Variants in LARP4B observed in about 807,000 individuals in gnomAD.
LARP4B encodes la-related protein 4B.
LARP4B carries 12 observed loss-of-function variants against 89.8 expected under a neutral mutation model. That is an observed-to-expected ratio of 0.13 (90% CI 0.09 to 0.22). LARP4B has a LOEUF of 0.22. Ranked by LOEUF, LARP4B falls within the 10% of genes least tolerant of loss-of-function variation. The pLI, the probability that LARP4B is intolerant of heterozygous loss-of-function variation, is 1.00. For missense variants in LARP4B, 757 were observed against 947.7 expected, an observed-to-expected ratio of 0.80 and a Z score of 2.64; for synonymous variants, 367 against 363.3, an observed-to-expected ratio of 1.01 and a Z score of -0.12.
chr10:892,931 TAC>T (rs1836078073), intron 1 of LARP4B, among the ~76,000 whole-genome samples: 2 of 116,206 alleles, frequency 1.7e-5, no homozygotes, highest in African/African-American at 3.3e-5. Flanking sequence ...TTTTTTTAAA[TAC>T]AGAGTCTTGC....
At chr10:854,144 G>A (rs1834186481) in intron 5 of LARP4B, among the ~76,000 whole-genome samples, 1 of 152,206 alleles carries the variant, frequency 6.6e-6, no homozygotes, top group East Asian at 1.9e-4. Context: ...TGAGATTGCA[G>A]CAATTCAGTC....
rs56788542 is a variant in LARP4B at position 833,249 on chromosome 10, TAAAA to T, written c.751-2276_751-2273del. ...AACACTAACGATAGCTGATGAGCTT[TAAAA>T]AAAAAAAAAAAAAAAAAAAAAAAAA... On this transcript the variant is annotated intron_variant, in intron 8 of 17. Coordinates refer to ENST00000316157, the MANE Select transcript of LARP4B (RefSeq NM_015155.3). 9.2e-3 allele frequency among the ~76,000 whole-genome samples: 477 copies of T among 52,020 alleles called. 2 individuals are homozygous for T. Among genetic ancestry groups the T allele is most frequent in the African/African-American group, 0.024 (330 of 13,940 alleles). 34.1% of individuals were successfully genotyped at this position (52,020 alleles called of 152,430 possible). A position where few individuals can be genotyped will look rare whatever the true frequency, so the allele number is the denominator to read the frequency against.
At chr10:926,118 T>C (rs1837127057) in intron 1 of LARP4B, among the ~76,000 whole-genome samples, 8 of 152,212 alleles carry the variant, frequency 5.3e-5, no homozygotes, top group Admixed American at 5.2e-4. Flanking sequence ...TTTACTTGAA[T>C]TACTTTCACT....
chr10:897,664 TATA>T (rs1588972599), intron 1 of LARP4B, among the ~76,000 whole-genome samples: 2 of 152,060 alleles, frequency 1.3e-5, no homozygotes, highest in East Asian at 1.9e-4. Context: ...TCCTAAAACT[TATA>T]ATGAGACAAA....
intron 1 of LARP4B, among the ~76,000 whole-genome samples, chr10:891,495 T>C (rs1836017870): frequency 6.6e-6 from 1 of 152,244 alleles, no homozygotes; most frequent in South Asian, 2.1e-4. Context: ...GAGATGTATA[T>C]TGAAATATTT....
chr10:949,285 C>G, the LARP4B span, among the ~76,000 whole-genome samples: 2 of 148,122 alleles, frequency 1.4e-5, no homozygotes, highest in Non-Finnish European at 3.0e-5. Context: ...GTTTTCCAGG[C>G]AGCTGTACCA....
chr10:983,645 T>C, the LARP4B span, among the ~76,000 whole-genome samples: 2 of 152,090 alleles, frequency 1.3e-5, no homozygotes, highest in South Asian at 4.2e-4. Context: ...GCTAATTCCA[T>C]CAGGAGAGCT....
chr10:841,557 C>T (rs1402863955), intron 7 of LARP4B, among the ~76,000 whole-genome samples: 1 of 152,242 alleles, frequency 6.6e-6, no homozygotes, highest in Admixed American at 6.5e-5. Flanking sequence ...ACTGAGAAAT[C>T]ATCCCAGTGG....
chr10:965,692 C>T, the LARP4B span, among the ~76,000 whole-genome samples: 1 of 151,750 alleles, frequency 6.6e-6, no homozygotes, highest in East Asian at 1.9e-4. Flanking sequence ...CATTTGTTAA[C>T]TGGCACCTAC....
At position 825,245 on chromosome 10, in the gene LARP4B, G is replaced by C; in HGVS notation, c.1304C>G (p.Pro435Arg). The change falls in exon 13 of 18, where the codon CCT (proline) becomes CGT (arginine). Residue 435 changes from proline to arginine, a missense_variant. By Grantham distance (103) the Pro-to-Arg change is moderately radical. Transcript: ENST00000316157. ...ATCTGCAGTGAAGTTAAATATTGAAGGACTTTCTAATAACCCAGGTCCCCT... is the reference window on the plus strand; with the variant it reads ...ATCTGCAGTGAAGTTAAATATTGAACGACTTTCTAATAACCCAGGTCCCCT... ...AERGPGLLES[P>R]SIFNFTADRL... The C allele has an allele frequency of 6.2e-7, 1 of 1,614,092 alleles. No individual in the cohort carries two copies.
chr10:879,337 C>A (rs1835579621), intron 3 of LARP4B, among the ~76,000 whole-genome samples: 1 of 152,150 alleles, frequency 6.6e-6, no homozygotes, highest in Non-Finnish European at 1.5e-5. Context: ...CTCCGAAGTA[C>A]CAGGAGACCA....
intron 5 of LARP4B, among the ~76,000 whole-genome samples, chr10:860,140 A>G (rs1834524350): frequency 6.8e-6 from 1 of 146,962 alleles, no homozygotes; most frequent in South Asian, 2.2e-4. Flanking sequence ...GGGGGAGGGG[A>G]GTATATGGGA....
chr10:817,735 G>C lies in LARP4B; in HGVS notation c.1685C>G (p.Ser562Cys). 1.9e-6 allele frequency: 3 copies of C among 1,613,938 alleles called. No homozygotes were observed. Among genetic ancestry groups the C allele is most frequent in the Non-Finnish European group, 2.5e-6 (3 of 1,179,876 alleles). Residue 562 changes from serine (S) to cysteine (C), a missense_variant, in exon 15 of 18, where the codon TCC (serine) becomes TGC (cysteine). Ser to Cys is a moderately radical substitution (Grantham distance 112, BLOSUM62 -1). Coordinates refer to ENST00000316157, the MANE Select transcript of LARP4B (RefSeq NM_015155.3). ...NRLSSLIIGP[S>C]KERTLSADAS... ...CAATATATCCCTTACCCTTTCTTTG[G>C]ATGGTCCTATTATCAAGCTAGATAG...
At chr10:942,728 T>G in the LARP4B span, 1 of 152,164 alleles carries the variant, frequency 6.6e-6, no homozygotes, top group South Asian at 2.1e-4. Context: ...ATAATAAATA[T>G]GGAAAATTCT....
At chr10:832,271 C>T (rs1832948927) in intron 8 of LARP4B, among the ~76,000 whole-genome samples, 2 of 151,962 alleles carry the variant, frequency 1.3e-5, no homozygotes, top group Admixed American at 1.3e-4. Context: ...TCTCGATCTC[C>T]TGACCTCGTG....
intron 5 of LARP4B, among the ~76,000 whole-genome samples, chr10:848,566 T>TTA (rs113903826): frequency 2.0e-4 from 28 of 143,436 alleles, no homozygotes; most frequent in Non-Finnish European, 3.5e-4. Context: ...TAAAAGTTAT[T>TTA]AAAAAAAAAA....
the LARP4B span, among the ~76,000 whole-genome samples, chr10:984,460 A>C: frequency 1.3e-5 from 2 of 152,216 alleles, no homozygotes; most frequent in Non-Finnish European, 2.9e-5. Context: ...AATGTTTTTA[A>C]CAGTGTGTCA....
the LARP4B span, among the ~76,000 whole-genome samples, chr10:982,382 C>T: frequency 5.6e-4 from 86 of 152,214 alleles, no homozygotes; most frequent in East Asian, 9.6e-4. Flanking sequence ...TGAGACACTG[C>T]GCCCAGCCTC....
the LARP4B span, among the ~76,000 whole-genome samples, chr10:947,613 G>A: frequency 1.3e-5 from 2 of 152,240 alleles, no homozygotes; most frequent in Admixed American, 1.3e-4. Context: ...TTAATGAAAT[G>A]AGTTTTTTGT....
Sources: gnomAD v4.1 joint callset for allele counts (sites outside exome capture counted in the v4.1 genomes callset) on GRCh38, gnomAD v4.1.1 for gene constraint, MANE v1.5 for transcripts, NCBI Gene and HGNC (gene_info 2026-07-23, HGNC 2026-07-21) for gene names.